The following PCSK5 variants were observed in gnomAD, a reference collection of about 807,000 sequenced individuals.
PCSK5 encodes proprotein convertase subtilisin/kexin type 5, also known as prohormone convertase 5.
A neutral mutation model predicts 233.2 loss-of-function variants in PCSK5; 129 were observed. The observed-to-expected ratio is 0.55, with a 90% CI of 0.48 to 0.64. PCSK5 has a LOEUF of 0.64. PCSK5 is among the 30% of genes least tolerant of loss of function. The pLI is 0.00. For synonymous variants in PCSK5, 825 were observed against 879.2 expected, an observed-to-expected ratio of 0.94 and a Z score of 1.09; for missense variants, 2,076 against 2,430.1, an observed-to-expected ratio of 0.85 and a Z score of 3.06.
intron 20 of PCSK5, among the ~76,000 whole-genome samples, chr9:76,204,224 T>G (rs1477979622): frequency 6.6e-6 from 1 of 152,104 alleles, no homozygotes; most frequent in East Asian, 1.9e-4. Context: ...CGTCCTAGGT[T>G]GGCTATCATC....
At chr9:76,102,747 TACAA>T (rs1426342458) in intron 8 of PCSK5, among the ~76,000 whole-genome samples, 7 of 152,212 alleles carry the variant, frequency 4.6e-5, no homozygotes, top group Non-Finnish European at 8.8e-5. Flanking sequence ...GTAGGTTGAC[TACAA>T]ATTTCTGTGA....
rs1828452082 is a variant in PCSK5, at chr9:76,296,777, G to C, written c.3435G>C (p.Glu1145Asp). 1 of 1,611,982 alleles carries C rather than the reference G, an allele frequency of 6.2e-7. No homozygotes were observed. Among genetic ancestry groups the C allele is most frequent in the Non-Finnish European group, 8.5e-7 (1 of 1,179,276 alleles). Residue 1145 changes from glutamate to aspartate, a missense_variant, in exon 27 of 38, where the codon GAG becomes GAC. Glu to Asp is a conservative substitution (Grantham distance 45, BLOSUM62 2). This residue lies in a region of PCSK5 where 1,510 missense variants were observed against 1,538.1 expected (regional missense o/e 0.98). Coordinates refer to ENST00000674117, the MANE Select transcript of PCSK5 (RefSeq NM_001372043.1). Reference protein sequence around the residue: ...CETCTGPGHDECSSCQEGLQL... With the variant: ...CETCTGPGHDDCSSCQEGLQL... ...CCTGCACAGGCCCTGGTCATGACGA[G>C]TGCAGCAGCTGCCAGGAAGGACTGC...
At chr9:76,355,784 A>G (rs1039148652) in intron 37 of PCSK5, among the ~76,000 whole-genome samples, 1 of 151,844 alleles carries the variant, frequency 6.6e-6, no homozygotes, top group Non-Finnish European at 1.5e-5. Flanking sequence ...GCTCACGGCA[A>G]CCTCTGTCTC....
chr9:76,221,001 AAAC>A (rs1335018570), intron 20 of PCSK5, among the ~76,000 whole-genome samples: 2 of 152,208 alleles, frequency 1.3e-5, no homozygotes, highest in African/African-American at 4.8e-5. Context: ...GAACAGAATT[AAAC>A]AACATAGAAA....
intron 3 of PCSK5, among the ~76,000 whole-genome samples, chr9:76,012,048 ATG>A: frequency 6.6e-6 from 1 of 152,296 alleles, no homozygotes; most frequent in East Asian, 1.9e-4. Context: ...AGACTAGATC[ATG>A]TGTTTTCTCA....
At chr9:75,964,578 T>G (rs1825495293) in intron 2 of PCSK5, among the ~76,000 whole-genome samples, 1 of 152,132 alleles carries the variant, frequency 6.6e-6, no homozygotes, top group Non-Finnish European at 1.5e-5. Flanking sequence ...AAGCGGAGAG[T>G]CTGTGCTTTG....
At position 76,328,026 on chromosome 9, in the gene PCSK5, T is replaced by C; in HGVS notation, c.4357T>C (p.Leu1453=). 6.2e-7 allele frequency: 1 copy of C among 1,612,272 alleles called. No individual in the cohort carries two copies. The highest frequency in any genetic ancestry group is 8.5e-7 in the Non-Finnish European group (1 of 1,179,328). ...KECRDCHKSC[L]TCSSSGTCTT... is the part of the protein sequence containing the mutation. ...GCCCACAGATTGCCACAAGTCCTGC[T>C]TGACCTGCTCATCATCTGGGACCTG... Residue 1453 remains leucine (L), a synonymous_variant, in exon 33 of 38, where the codon TTG becomes CTG. Coordinates refer to ENST00000674117, the MANE Select transcript of PCSK5 (RefSeq NM_001372043.1).
chr9:76,358,577 C>A lies in PCSK5; in HGVS notation c.5319C>A (p.Phe1773Leu), dbSNP rs1002658354. The A allele has an allele frequency of 1.2e-6, 2 of 1,612,648 alleles. No individual in the cohort carries two copies. The highest frequency in any genetic ancestry group is 2.7e-5 in the African/African-American group (2 of 74,900). ...CTGAGCATTTCAAGACAGCTCTGTT[C>A]ATCACCTCCTCCATGATGCTGGTGC... ...PATEHFKTAL[F>L]ITSSMMLVLL... The change falls in exon 38 of 38, where the codon TTC (phenylalanine) becomes TTA (leucine). Residue 1773 changes from phenylalanine (F) to leucine (L), a missense_variant. By Grantham distance (22) the Phe-to-Leu change is conservative. Coordinates refer to ENST00000674117, the MANE Select transcript of PCSK5 (RefSeq NM_001372043.1).
At chr9:76,107,716 A>G (rs1429064839) in intron 9 of PCSK5, among the ~76,000 whole-genome samples, 1 of 152,176 alleles carries the variant, frequency 6.6e-6, no homozygotes, top group Admixed American at 6.5e-5. Context: ...GTTTCTCTGA[A>G]GCATGACTAG....
intron 20 of PCSK5, among the ~76,000 whole-genome samples, chr9:76,214,876 G>C (rs372556196): frequency 6.6e-6 from 1 of 152,128 alleles, no homozygotes; most frequent in Non-Finnish European, 1.5e-5. Context: ...TTCTAGAAAA[G>C]CTTCCCTTAT....
At chr9:76,342,694 G>A (rs767247470) in intron 35 of PCSK5, among the ~76,000 whole-genome samples, 15 of 152,032 alleles carry the variant, frequency 9.9e-5, no homozygotes, top group South Asian at 2.1e-4. Context: ...CCTGAGCTCC[G>A]GTTCCATACA....
rs1003336896 is a variant in PCSK5 at position 76,329,115 on chromosome 9, G to A, written c.4570+876G>A. 3.3e-5 allele frequency among the ~76,000 whole-genome samples: 5 copies of A among 151,050 alleles called. No individual in the cohort carries two copies. In the East Asian group the frequency reaches 7.8e-4, roughly 24 times the overall value. On this transcript the variant is annotated intron_variant, in intron 33 of 37. Coordinates refer to ENST00000674117, the MANE Select transcript of PCSK5 (RefSeq NM_001372043.1). ...ATTACAGGTGTGAGCCACTGCGCCCGGCCACTTTTTTGTTTGTTTGTTTTT... is the reference window on the plus strand; with the variant it reads ...ATTACAGGTGTGAGCCACTGCGCCCAGCCACTTTTTTGTTTGTTTGTTTTT...
chr9:75,954,162 T>C lies in PCSK5; in HGVS notation c.297+21679T>C, dbSNP rs150802849. 2.2e-4 allele frequency among the ~76,000 whole-genome samples: 34 copies of C among 152,356 alleles called. 2 individuals are homozygous for C. In the East Asian group the frequency reaches 6.6e-3, roughly 29 times the overall value. ...TGATTTTGTAAACATGCTGGACATT[T>C]CGTTTGTAGAAACAGGCCTATTTTT... On this transcript the variant is annotated intron_variant, in intron 2 of 37. Transcript: ENST00000674117.
chr9:76,234,862 C>G (rs560286261), intron 22 of PCSK5, among the ~76,000 whole-genome samples: 1 of 152,266 alleles, frequency 6.6e-6, no homozygotes, highest in South Asian at 2.1e-4. Context: ...TCTCTTGCTC[C>G]TAAGACTTCA....
intron 20 of PCSK5, among the ~76,000 whole-genome samples, chr9:76,207,909 C>A (rs148468437): frequency 6.6e-6 from 1 of 152,232 alleles, no homozygotes; most frequent in African/African-American, 2.4e-5. Context: ...CTTTATTTGG[C>A]TCATGGTCCT....
At chr9:76,164,805 T>C (rs1823025494) in intron 12 of PCSK5, among the ~76,000 whole-genome samples, 1 of 152,182 alleles carries the variant, frequency 6.6e-6, no homozygotes, top group South Asian at 2.1e-4. Context: ...AAAACAGATA[T>C]TTCAATAAAA....
At chr9:76,333,472 T>G (rs1231239042) in intron 34 of PCSK5, among the ~76,000 whole-genome samples, 1 of 152,212 alleles carries the variant, frequency 6.6e-6, no homozygotes, top group Non-Finnish European at 1.5e-5. Context: ...ATTACAGGTT[T>G]TGTTATCATA....
chr9:76,248,041 C>T, intron 24 of PCSK5, among the ~76,000 whole-genome samples: 1 of 152,192 alleles, frequency 6.6e-6, no homozygotes, highest in South Asian at 2.1e-4. Flanking sequence ...GCCTCAGCCT[C>T]CCAAATTGCT....
intron 24 of PCSK5, chr9:76,288,176 T>C (rs1190206824): frequency 6.6e-6 from 1 of 152,236 alleles, no homozygotes; most frequent in Non-Finnish European, 1.5e-5. Flanking sequence ...CTGTTCTTGA[T>C]GCTCCGGACA....
Sources: gnomAD v4.1 joint callset for allele counts (sites outside exome capture counted in the v4.1 genomes callset) on GRCh38, gnomAD v4.1.1 for gene constraint, gnomAD v4.1.1 regional missense constraint, MANE v1.5 for transcripts, NCBI Gene and HGNC (gene_info 2026-07-23, HGNC 2026-07-21) for gene names.